IL34: variants seen among roughly 807,000 people sequenced by gnomAD.
IL34 encodes the protein interleukin 34, also known as interleukin-34.
Under a neutral mutation model 25.3 loss-of-function variants are expected in IL34, and 17 were observed. That is an observed-to-expected ratio of 0.67 (90% CI 0.46 to 1.01). The LOEUF (loss-of-function observed/expected upper bound fraction) is 1.01, where lower values mean the gene tolerates loss of function less well. IL34 is among the 50% of genes least tolerant of loss of function. IL34 has a pLI of 0.00. For missense variants in IL34, 368 were observed against 312.9 expected (o/e 1.18, Z -1.33); for synonymous variants, 174 against 140.9 (o/e 1.23, Z -1.66).
At chr16:70,600,165 A>G (rs1345588134) in intron 1 of IL34, among the ~76,000 whole-genome samples, 4 of 151,774 alleles carry the variant, frequency 2.6e-5, no homozygotes, top group African/African-American at 9.7e-5. Flanking sequence ...CTCTCTTCAC[A>G]TGTCTTCTCT....
rs550111457 is a variant in IL34, at chr16:70,585,146, A to C, written c.-401+5097A>C. Among the ~76,000 whole-genome samples, 2 of 152,316 alleles carry C rather than the reference A, an allele frequency of 1.3e-5. 1 individual carries two copies. The highest frequency in any genetic ancestry group is 3.9e-4 in the East Asian group (2 of 5,192). ...CCCCAACCTCTGGGCACCACCTTTCAGATGTCTGTCTCTATGAGTTTCACT... is the reference window on the plus strand; with the variant it reads ...CCCCAACCTCTGGGCACCACCTTTCCGATGTCTGTCTCTATGAGTTTCACT... On this transcript the variant is annotated intron_variant, in intron 1 of 6. Transcript: ENST00000429149.
chr16:70,641,702 G>T (rs146572484), upstream of IL34, among the ~76,000 whole-genome samples: 560 of 151,956 alleles, frequency 3.7e-3, 5 homozygotes, highest in Middle Eastern at 0.024. Context: ...TAGCAGCTGG[G>T]AGTACAGGTG....
In IL34 at chr16:70,647,296, C is replaced by T. The variant is rs1318840098; in HGVS notation, c.28+321C>T. On this transcript the variant is annotated intron_variant, in intron 1 of 5. Transcript: ENST00000288098. Reference sequence around the variant, plus strand: ...CTTGTGGGTGTTGGGGAGCCCCGGGCGGGCAGCAGCGGCCCAGTCCTGGGT... The same window carrying T: ...CTTGTGGGTGTTGGGGAGCCCCGGGTGGGCAGCAGCGGCCCAGTCCTGGGT... 3.9e-5 allele frequency among the ~76,000 whole-genome samples: 6 copies of T among 152,158 alleles called. No homozygotes were observed. In the South Asian group the frequency reaches 6.2e-4, roughly 16 times the overall value.
At chr16:70,620,731 G>A (rs1245049299) in intron 1 of IL34, among the ~76,000 whole-genome samples, 1 of 147,234 alleles carries the variant, frequency 6.8e-6, no homozygotes, top group African/African-American at 2.5e-5. Flanking sequence ...ATTTAGATTT[G>A]CAGGATGGAA....
At chr16:70,628,353 TAC>T (rs950738874) in intron 1 of IL34, among the ~76,000 whole-genome samples, 7 of 152,190 alleles carry the variant, frequency 4.6e-5, no homozygotes, top group African/African-American at 1.7e-4. Flanking sequence ...TAGCATTGTT[TAC>T]AGTTTTTTAG....
chr16:70,659,891 ATGGGCCCTGGGTAGAG>A, intron 5 of IL34, 90 bp from the exon 6 acceptor site: 2 of 1,465,262 alleles, frequency 1.4e-6, no homozygotes, highest in Non-Finnish European at 1.8e-6. Context: ...GGAAGCCAGG[ATGGGCCCTGGGTAGAG>A]TGGGGGACAA....
chr16:70,626,120 C>T (rs956454155), intron 1 of IL34, among the ~76,000 whole-genome samples: 1 of 152,104 alleles, frequency 6.6e-6, no homozygotes, highest in African/African-American at 2.4e-5. Flanking sequence ...GAGAGTCAGC[C>T]TGTTTTGCTT....
At chr16:70,623,079 A>C (rs1231092484) in intron 1 of IL34, among the ~76,000 whole-genome samples, 1 of 152,024 alleles carries the variant, frequency 6.6e-6, no homozygotes, top group East Asian at 1.9e-4. Context: ...CTGTGTTTTT[A>C]TGAAGAATTA....
At chr16:70,659,499 C>A in intron 4 of IL34, 119 bp from the exon 5 acceptor site, 8 of 1,302,488 alleles carry the variant, frequency 6.1e-6, no homozygotes, top group Non-Finnish European at 7.2e-6. Context: ...CTCATGGTCA[C>A]AGGAAGTCTG....
At chr16:70,598,681 G>T (rs978387726) in intron 1 of IL34, among the ~76,000 whole-genome samples, 1 of 152,208 alleles carries the variant, frequency 6.6e-6, no homozygotes, top group Non-Finnish European at 1.5e-5. Context: ...GGAGGCTCCA[G>T]TGAGCCGAGA....
intron 1 of IL34, among the ~76,000 whole-genome samples, chr16:70,628,592 T>C (rs1468640580): frequency 6.6e-6 from 1 of 151,694 alleles, no homozygotes; most frequent in East Asian, 1.9e-4. Context: ...GTTCAAGCGA[T>C]TCTCCTACCT....
intron 1 of IL34, among the ~76,000 whole-genome samples, chr16:70,587,930 T>C (rs2050713565): frequency 6.6e-6 from 1 of 151,864 alleles, no homozygotes; most frequent in Non-Finnish European, 1.5e-5. Flanking sequence ...TCCCAGTTAC[T>C]CAGGAGGCTG....
intron 1 of IL34, among the ~76,000 whole-genome samples, chr16:70,590,874 A>G (rs2050746215): frequency 6.6e-6 from 1 of 152,084 alleles, no homozygotes; most frequent in South Asian, 2.1e-4. Flanking sequence ...TCCTGGGGTC[A>G]GGGGTGCCCT....
chr16:70,586,786 A>G (rs2050699872), intron 1 of IL34, among the ~76,000 whole-genome samples: 1 of 152,120 alleles, frequency 6.6e-6, no homozygotes, highest in East Asian at 1.9e-4. Flanking sequence ...CATTTTACAG[A>G]TGAAGAAATC....
intron 2 of IL34, among the ~76,000 whole-genome samples, chr16:70,655,122 G>A (rs1259645117): frequency 2.0e-5 from 3 of 150,406 alleles, no homozygotes; most frequent in Admixed American, 2.0e-4. Context: ...GCTCAATCTT[G>A]GCTCACTGCA....
upstream of IL34, among the ~76,000 whole-genome samples, chr16:70,645,043 CGAG>C (rs1567461126): frequency 8.9e-6 from 1 of 112,552 alleles, no homozygotes; most frequent in African/African-American, 3.5e-5. Context: ...GGAAGGAGGA[CGAG>C]GAAGGAGGAA....
At chr16:70,645,149 G>A (rs1322086742), upstream of IL34, among the ~76,000 whole-genome samples, 2 of 150,898 alleles carry the variant, frequency 1.3e-5, no homozygotes, top group Non-Finnish European at 3.0e-5. Context: ...GAGGAAGGAG[G>A]AGGAGGAAGA....
chr16:70,656,953 T>A lies in IL34; in HGVS notation c.241-7T>A, dbSNP rs2052242346. The A allele has an allele frequency of 6.2e-7, 1 of 1,601,170 alleles. No homozygotes were observed. Among genetic ancestry groups the A allele is most frequent in the Non-Finnish European group, 8.5e-7 (1 of 1,173,190 alleles). ...CCCGAGTTGCAGTGACTTCCCTGTT[T>A]CCGCAGCAGAGGGCCCAGGTGAGCG... On this transcript the variant is annotated splice_region_variant and splice_polypyrimidine_tract_variant and intron_variant, in intron 3 of 5. Coordinates refer to ENST00000288098, the MANE Select transcript of IL34 (RefSeq NM_001393494.1).
Position 70,659,605 on chromosome 16 carries a change from T to G in IL34, c.403-13T>G. On this transcript the variant is annotated splice_polypyrimidine_tract_variant and intron_variant, in intron 4 of 5. Coordinates refer to ENST00000288098, the MANE Select transcript of IL34 (RefSeq NM_001393494.1). ...CATCTCGCCACCGCTCCTGACTGTTTCCTCCTTTCCAGGATGTGGAGGTCA... is the reference window on the plus strand; with the variant it reads ...CATCTCGCCACCGCTCCTGACTGTTGCCTCCTTTCCAGGATGTGGAGGTCA... 6.2e-7 allele frequency: 1 copy of G among 1,600,232 alleles called. No individual in the cohort carries two copies. Among genetic ancestry groups the G allele is most frequent in the South Asian group, 1.1e-5 (1 of 90,322 alleles).
Sources: gnomAD v4.1 joint callset for allele counts (sites outside exome capture counted in the v4.1 genomes callset) on GRCh38, gnomAD v4.1.1 for gene constraint, MANE v1.5 for transcripts, NCBI Gene and HGNC (gene_info 2026-07-23, HGNC 2026-07-21) for gene names.